The following SMARCC1 variants were observed in gnomAD, a reference collection of about 807,000 sequenced individuals.
SMARCC1 encodes the protein SWI/SNF related BAF chromatin remodeling complex subunit C1, also known as SWI/SNF complex subunit SMARCC1.
Under a neutral mutation model 147.4 loss-of-function variants are expected in SMARCC1, and 43 were observed. That is an observed-to-expected ratio of 0.29 (90% confidence interval 0.23 to 0.38). SMARCC1 has a LOEUF of 0.38. Among genes scored for constraint, SMARCC1 ranks in the 10% least tolerant of loss-of-function variants. The pLI, the probability that SMARCC1 is intolerant of heterozygous loss-of-function variation, is 1.00. For missense variants in SMARCC1, 1,119 were observed against 1,381.1 expected (o/e 0.81, Z 3.01); for synonymous variants, 495 against 484.4 (o/e 1.02, Z -0.29).
At chr3:47,721,894 T>C (rs1476133365) in intron 6 of SMARCC1, among the ~76,000 whole-genome samples, 1 of 152,034 alleles carries the variant, frequency 6.6e-6, no homozygotes, top group African/African-American at 2.4e-5. Context: ...GTGGTGTGCA[T>C]CTATACTCCC....
intron 25 of SMARCC1, among the ~76,000 whole-genome samples, chr3:47,614,288 T>A (rs1310710360): frequency 6.6e-6 from 1 of 152,246 alleles, no homozygotes; most frequent in Non-Finnish European, 1.5e-5. Context: ...TGTCATTTTA[T>A]CTTTGTTGCA....
At chr3:47,678,854 A>G (rs1051201500) in intron 15 of SMARCC1, among the ~76,000 whole-genome samples, 34 of 152,212 alleles carry the variant, frequency 2.2e-4, no homozygotes, top group African/African-American at 8.0e-4. Flanking sequence ...TAGCTCTTCA[A>G]TCTATGCTCT....
chr3:47,761,688 C>T (rs913415322), intron 2 of SMARCC1, among the ~76,000 whole-genome samples: 1 of 152,172 alleles, frequency 6.6e-6, no homozygotes, highest in Non-Finnish European at 1.5e-5. Context: ...CTCCCTCATC[C>T]ATTCCACAAA....
rs2034050612 is a variant in SMARCC1 at position 47,708,925 on chromosome 3, C to A, written c.918+1758G>T. Among the ~76,000 whole-genome samples, 3 of 152,134 alleles carry A rather than the reference C, an allele frequency of 2.0e-5. 1 individual carries two copies. The highest frequency in any genetic ancestry group is 2.4e-5 in the African/African-American group (1 of 41,436). On this transcript the variant is annotated intron_variant, in intron 9 of 27. Transcript: ENST00000254480. ...AAAGTGCTGGGATTACAGGTGTGAG[C>A]CACTGGGCCCAGTCATTTAATATTT...
At chr3:47,736,825 TG>T (rs903023532) in intron 4 of SMARCC1, among the ~76,000 whole-genome samples, 1 of 152,106 alleles carries the variant, frequency 6.6e-6, no homozygotes, top group African/African-American at 2.4e-5. Context: ...TAAGAATCTG[TG>T]GGACAAACAA....
chr3:47,663,285 T>A (rs993549116), intron 19 of SMARCC1, among the ~76,000 whole-genome samples: 21 of 149,760 alleles, frequency 1.4e-4, no homozygotes, highest in African/African-American at 5.2e-4. Context: ...TACTAATACA[T>A]ACAGACATGA....
intron 1 of SMARCC1, among the ~76,000 whole-genome samples, chr3:47,778,168 G>A (rs1357345374): frequency 7.6e-6 from 1 of 132,060 alleles, no homozygotes; most frequent in East Asian, 2.2e-4. Flanking sequence ...TCCAGCTTGG[G>A]CAGAAGAGCG....
chr3:47,613,700 G>A (rs1488527526), intron 25 of SMARCC1, among the ~76,000 whole-genome samples: 3 of 152,020 alleles, frequency 2.0e-5, no homozygotes, highest in African/African-American at 4.8e-5. Context: ...ACACACATAT[G>A]TTTAATAACA....
intron 2 of SMARCC1, among the ~76,000 whole-genome samples, chr3:47,755,332 C>CTAAA (rs903785908): frequency 1.3e-5 from 2 of 149,378 alleles, no homozygotes; most frequent in Non-Finnish European, 3.0e-5. Flanking sequence ...GAAACCCTGT[C>CTAAA]TAAAAAAAAA....
chr3:47,693,141 C>T (rs939575895), intron 12 of SMARCC1, 100 bp downstream of exon 12: 1 of 784,008 alleles, frequency 1.3e-6, no homozygotes, highest in Non-Finnish European at 2.2e-6. Flanking sequence ...TGCACTCCAG[C>T]CTGACCAACA....
chr3:47,737,367 C>T (rs1025639176), intron 4 of SMARCC1, among the ~76,000 whole-genome samples: 2 of 151,934 alleles, frequency 1.3e-5, no homozygotes, highest in Non-Finnish European at 2.9e-5. Flanking sequence ...CCACTGCACT[C>T]CAGCCTGGGT....
intron 14 of SMARCC1, among the ~76,000 whole-genome samples, chr3:47,684,897 A>C (rs1390930350): frequency 6.6e-6 from 1 of 152,234 alleles, no homozygotes; most frequent in Non-Finnish European, 1.5e-5. Context: ...TTAATTTATA[A>C]ATTAGACACA....
chr3:47,748,965 TAGA>T (rs1186784548), intron 2 of SMARCC1, among the ~76,000 whole-genome samples: 1 of 150,742 alleles, frequency 6.6e-6, no homozygotes, highest in Non-Finnish European at 1.5e-5. Context: ...GGCCCAAGAG[TAGA>T]AGACCAACCT....
chr3:47,604,488 G>C (rs2032436519), intron 26 of SMARCC1: 1 of 365,410 alleles, frequency 2.7e-6, no homozygotes, highest in Non-Finnish European at 5.4e-6. Flanking sequence ...ATCATGAGTT[G>C]GAAGGACCTG....
At chr3:47,686,518 C>T (rs531716016) in intron 13 of SMARCC1, among the ~76,000 whole-genome samples, 5 of 152,314 alleles carry the variant, frequency 3.3e-5, no homozygotes, top group African/African-American at 1.2e-4. Flanking sequence ...TAATAGCTTG[C>T]TTCTTCCTTG....
At chr3:47,592,342 C>T (rs2032197846) in intron 26 of SMARCC1, among the ~76,000 whole-genome samples, 1 of 152,222 alleles carries the variant, frequency 6.6e-6, no homozygotes, top group Non-Finnish European at 1.5e-5. Context: ...ATGGACGTGG[C>T]TGTGTTCTAA....
intron 11 of SMARCC1, among the ~76,000 whole-genome samples, chr3:47,694,709 T>C (rs2033827569): frequency 6.6e-6 from 1 of 152,230 alleles, no homozygotes; most frequent in African/African-American, 2.4e-5. Context: ...CTTTCACACT[T>C]TTCCATCTAC....
At chr3:47,674,390 T>C (rs2033542656) in intron 18 of SMARCC1, among the ~76,000 whole-genome samples, 1 of 152,352 alleles carries the variant, frequency 6.6e-6, no homozygotes, top group African/African-American at 2.4e-5. Flanking sequence ...ACCTTCAATT[T>C]TGAAAGTAAT....
chr3:47,764,226 G>A (rs1234323960), intron 2 of SMARCC1, among the ~76,000 whole-genome samples: 1 of 151,952 alleles, frequency 6.6e-6, no homozygotes, highest in Non-Finnish European at 1.5e-5. Flanking sequence ...CTGATAAATA[G>A]GGTCTCAATA....
Sources: allele counts gnomAD v4.1 joint callset (sites outside exome capture counted in the v4.1 genomes callset), GRCh38; gene constraint gnomAD v4.1.1; transcripts MANE v1.5; gene names NCBI Gene and HGNC (gene_info 2026-07-23, HGNC 2026-07-21).